The following ZNF521 variants were observed in gnomAD, a reference collection of about 807,000 sequenced individuals.
The protein encoded by ZNF521 is LYST-interacting protein 3.
Under a neutral mutation model 105.5 loss-of-function variants are expected in ZNF521, and 14 were observed. The ratio of observed to expected loss-of-function variants is 0.13; its 90% CI spans 0.09 to 0.21. ZNF521 has a LOEUF of 0.21. ZNF521 is among the 10% of genes least tolerant of loss of function. The pLI is 1.00. For missense variants in ZNF521, 1,233 were observed against 1,629.7 expected, an observed-to-expected ratio of 0.76 and a Z score of 4.19; for synonymous variants, 635 against 606.0, an observed-to-expected ratio of 1.05 and a Z score of -0.70.
At chr18:25,320,882 C>G (rs1457082576) in intron 3 of ZNF521, among the ~76,000 whole-genome samples, 1 of 152,136 alleles carries the variant, frequency 6.6e-6, no homozygotes, top group African/African-American at 2.4e-5. Flanking sequence ...ATTCTGGGGC[C>G]TAATAAACTT....
At chr18:25,331,871 G>T (rs1913588052) in intron 2 of ZNF521, among the ~76,000 whole-genome samples, 1 of 147,138 alleles carries the variant, frequency 6.8e-6, no homozygotes, top group Non-Finnish European at 1.5e-5. Context: ...CTCTTTACTA[G>T]TGACTTTGGA....
intron 3 of ZNF521, among the ~76,000 whole-genome samples, chr18:25,267,536 G>A (rs1909354886): frequency 6.6e-6 from 1 of 152,102 alleles, no homozygotes. Flanking sequence ...AGTTCTGATT[G>A]GCATCTGGTG....
chr18:25,231,600 T>C (rs1405931027), intron 3 of ZNF521: 4 of 152,212 alleles, frequency 2.6e-5, no homozygotes, highest in Admixed American at 2.0e-4. Context: ...AGAGTCTGTT[T>C]ACAGCCTGCC....
At chr18:25,166,556 G>GT (rs1227541489) in intron 5 of ZNF521, among the ~76,000 whole-genome samples, 1 of 152,088 alleles carries the variant, frequency 6.6e-6, no homozygotes. Context: ...ACCCACTGAC[G>GT]TAATAGAAAT....
chr18:25,197,402 G>A (rs541783825), intron 4 of ZNF521, among the ~76,000 whole-genome samples: 53 of 151,862 alleles, frequency 3.5e-4, no homozygotes, highest in African/African-American at 1.2e-3. Flanking sequence ...GATGTGTTAA[G>A]GGTTTTCTTT....
chr18:25,308,648 A>ACCC (rs764455271), intron 3 of ZNF521, among the ~76,000 whole-genome samples: 3 of 116,298 alleles, frequency 2.6e-5, no homozygotes, highest in Non-Finnish European at 3.6e-5. Flanking sequence ...CCTTAATGAC[A>ACCC]TCCCCCCCCC....
At chr18:25,181,868 G>A (rs1278362970) in intron 5 of ZNF521, among the ~76,000 whole-genome samples, 4 of 152,040 alleles carry the variant, frequency 2.6e-5, no homozygotes, top group Non-Finnish European at 2.9e-5. Context: ...GCCCCAGTGG[G>A]GGCATTTCTC....
At chr18:25,286,378 T>C (rs539003232) in intron 3 of ZNF521, among the ~76,000 whole-genome samples, 22 of 152,320 alleles carry the variant, frequency 1.4e-4, no homozygotes, top group African/African-American at 5.1e-4. Flanking sequence ...CTACATTCTC[T>C]GCAAAGAGCT....
chr18:25,227,128 G>A lies in ZNF521; in HGVS notation c.790C>T (p.His264Tyr). Residue 264 changes from histidine (H) to tyrosine (Y), a missense_variant, in exon 4 of 8, where the codon CAC becomes TAC. His to Tyr is a moderately conservative substitution (Grantham distance 83). Transcript: ENST00000361524. The surrounding 1 kb of genome is among the most constrained non-coding windows in gnomAD (Gnocchi z 5.7). ...GFDFPEDLQK[H>Y]IAECHPECSP... ...CATTCGGGGTGGCACTCTGCAATGT[G>A]TTTTTGGAGGTCTTCCGGGAAGTCA... The A allele has an allele frequency of 1.2e-6, 2 of 1,614,156 alleles. No homozygotes were observed. The highest frequency in any genetic ancestry group is 1.7e-6 in the Non-Finnish European group (2 of 1,180,012).
intron 3 of ZNF521, among the ~76,000 whole-genome samples, chr18:25,299,312 G>A (rs1448488753): frequency 6.6e-6 from 1 of 152,176 alleles, no homozygotes; most frequent in Non-Finnish European, 1.5e-5. Context: ...ATGAAGGAGG[G>A]CAGGAGAGAA....
chr18:25,270,644 T>C (rs1287630088), intron 3 of ZNF521, among the ~76,000 whole-genome samples: 3 of 152,054 alleles, frequency 2.0e-5, no homozygotes, highest in East Asian at 1.9e-4. Context: ...ATAAACATAA[T>C]CCATCACATA....
intron 3 of ZNF521, among the ~76,000 whole-genome samples, chr18:25,296,162 T>C (rs371839559): frequency 1.3e-5 from 2 of 152,202 alleles, no homozygotes; most frequent in African/African-American, 4.8e-5. Context: ...GTCTATTTTA[T>C]TTAATTCCCT....
intron 4 of ZNF521, among the ~76,000 whole-genome samples, chr18:25,207,560 G>A (rs1048753080): frequency 3.3e-5 from 5 of 152,268 alleles, no homozygotes; most frequent in East Asian, 1.9e-4. Flanking sequence ...AAGTAGTAAC[G>A]TCTTAGTTTT....
intron 7 of ZNF521, among the ~76,000 whole-genome samples, chr18:25,079,672 G>T (rs961593103): frequency 8.6e-5 from 13 of 151,980 alleles, no homozygotes; most frequent in African/African-American, 3.1e-4. Context: ...ACAGATGGTG[G>T]GGGGGACGCA....
chr18:25,164,112 T>C lies in ZNF521; in HGVS notation c.3658+31048A>G, dbSNP rs1210613139. 2.0e-5 allele frequency among the ~76,000 whole-genome samples: 3 copies of C among 152,220 alleles called. No individual in the cohort carries two copies. The East Asian group carries it at 5.8e-4, about 29-fold the overall frequency. ...CTTGCTGGCAATGTGAAAGTGAAGC[T>C]AACAATTGGTATTTGTTCTAGGGTG... On this transcript the variant is annotated intron_variant, in intron 5 of 7. Coordinates refer to ENST00000361524, the MANE Select transcript of ZNF521 (RefSeq NM_015461.3).
chr18:25,247,680 TA>T (rs1490672984), intron 3 of ZNF521, among the ~76,000 whole-genome samples: 21 of 152,158 alleles, frequency 1.4e-4, no homozygotes, highest in Admixed American at 1.4e-3. Context: ...GCCCCAAGTT[TA>T]TTTGCAGGCA....
At chr18:25,345,810 T>C (rs1914435581) in intron 2 of ZNF521, among the ~76,000 whole-genome samples, 2 of 152,226 alleles carry the variant, frequency 1.3e-5, no homozygotes, top group Non-Finnish European at 2.9e-5. Context: ...CACTGGTTGA[T>C]AGATAAATAG....
At chr18:25,081,259 A>C (rs557927669) in intron 7 of ZNF521, among the ~76,000 whole-genome samples, 2 of 152,292 alleles carry the variant, frequency 1.3e-5, no homozygotes, top group South Asian at 4.2e-4. Flanking sequence ...GCCAGACAAA[A>C]AAATAATGTA....
chr18:25,207,384 ATCGGGGCTCC>A (rs2036101162), intron 4 of ZNF521, among the ~76,000 whole-genome samples: 1 of 152,154 alleles, frequency 6.6e-6, no homozygotes, highest in African/African-American at 2.4e-5. Flanking sequence ...CTTGCAACTC[ATCGGGGCTCC>A]TCGGGGCACA....
Sources: gnomAD v4.1 joint callset for allele counts (sites outside exome capture counted in the v4.1 genomes callset) on GRCh38, gnomAD v4.1.1 for gene constraint, Gnocchi (gnomAD v3.1) non-coding constraint, MANE v1.5 for transcripts, NCBI Gene and HGNC (gene_info 2026-07-23, HGNC 2026-07-21) for gene names.